GOLM2: variants seen among roughly 807,000 people sequenced by gnomAD.
GOLM2 encodes protein GOLM2.
A neutral mutation model predicts 55.9 loss-of-function variants in GOLM2; 26 were observed. That is an observed-to-expected ratio of 0.47 (90% CI 0.34 to 0.65). The LOEUF (loss-of-function observed/expected upper bound fraction) is 0.65, where lower values mean the gene tolerates loss of function less well. GOLM2 is among the 30% of genes least tolerant of loss of function. The probability of loss-of-function intolerance (pLI) is 0.01; values close to 1 mark genes in which losing one functional copy is unlikely to be tolerated. For missense variants in GOLM2, 486 were observed against 531.8 expected, an observed-to-expected ratio of 0.91 and a Z score of 0.85; for synonymous variants, 165 against 194.6, an observed-to-expected ratio of 0.85 and a Z score of 1.27.
At chr15:44,371,820 G>A (rs2079331144) in intron 6 of GOLM2, among the ~76,000 whole-genome samples, 1 of 152,244 alleles carries the variant, frequency 6.6e-6, no homozygotes, top group African/African-American at 2.4e-5. Flanking sequence ...CATGTAAATT[G>A]TAAAACTAAT....
chr15:44,331,434 GC>G (rs2079021607), intron 3 of GOLM2, among the ~76,000 whole-genome samples: 1 of 152,176 alleles, frequency 6.6e-6, no homozygotes, highest in Non-Finnish European at 1.5e-5. Flanking sequence ...TACTTGGCTA[GC>G]AGAAAGTCAC....
chr15:44,369,206 ATGTGTGTGTGTG>A (rs551489001), intron 6 of GOLM2, among the ~76,000 whole-genome samples: 3 of 110,194 alleles, frequency 2.7e-5, no homozygotes, highest in Non-Finnish European at 3.6e-5. Flanking sequence ...ATATATATAT[ATGTGTGTGTGTG>A]TGTGTGTGTG....
intron 1 of GOLM2, among the ~76,000 whole-genome samples, chr15:44,298,326 C>T (rs1170595244): frequency 1.1e-4 from 16 of 147,740 alleles, no homozygotes; most frequent in Admixed American, 5.4e-4. Context: ...TGCAATGGCG[C>T]GATCTCAGCT....
intron 9 of GOLM2, among the ~76,000 whole-genome samples, chr15:44,404,360 G>A (rs1488595739): frequency 2.0e-5 from 3 of 152,014 alleles, no homozygotes; most frequent in Non-Finnish European, 4.4e-5. Context: ...TTTTACCTAG[G>A]CACTGTTTTC....
intron 6 of GOLM2, among the ~76,000 whole-genome samples, 161 bp downstream of exon 6, chr15:44,338,478 C>T (rs1478315689): frequency 1.3e-5 from 2 of 152,052 alleles, no homozygotes; most frequent in African/African-American, 4.8e-5. Context: ...TTTTTTGGAT[C>T]CAACTTTTAT....
At chr15:44,302,881 T>G (rs957657212) in intron 1 of GOLM2, among the ~76,000 whole-genome samples, 1 of 151,988 alleles carries the variant, frequency 6.6e-6, no homozygotes, top group East Asian at 1.9e-4. Context: ...GAGGTGGGCG[T>G]ATCACGAGGT....
At chr15:44,371,834 A>G (rs561398555) in intron 6 of GOLM2, among the ~76,000 whole-genome samples, 7 of 152,262 alleles carry the variant, frequency 4.6e-5, no homozygotes, top group African/African-American at 1.7e-4. Flanking sequence ...AACTAATCAG[A>G]TTTTCTCAAT....
intron 9 of GOLM2, among the ~76,000 whole-genome samples, chr15:44,407,235 A>G (rs1447819238): frequency 6.8e-6 from 1 of 146,312 alleles, no homozygotes; most frequent in Non-Finnish European, 1.5e-5. Flanking sequence ...TATTTATATT[A>G]TAATTTATGA....
chr15:44,315,145 T>TC (rs1401404987), intron 1 of GOLM2, among the ~76,000 whole-genome samples: 1 of 152,180 alleles, frequency 6.6e-6, no homozygotes, highest in Non-Finnish European at 1.5e-5. Context: ...TTTTTAAAGC[T>TC]CCCCAGGTGA....
chr15:44,374,544 G>A (rs1047800605), intron 6 of GOLM2, among the ~76,000 whole-genome samples: 5 of 152,112 alleles, frequency 3.3e-5, no homozygotes, highest in African/African-American at 1.2e-4. Context: ...AATTTATAAA[G>A]AAAGAGGTTT....
At chr15:44,410,328 G>T (rs947639391) in intron 9 of GOLM2, among the ~76,000 whole-genome samples, 1 of 152,160 alleles carries the variant, frequency 6.6e-6, no homozygotes, top group Admixed American at 6.5e-5. Flanking sequence ...GTACTCGGGA[G>T]GCTGAGGCAG....
intron 6 of GOLM2, among the ~76,000 whole-genome samples, chr15:44,362,981 G>A (rs1595649201): frequency 1.3e-5 from 2 of 152,274 alleles, no homozygotes; most frequent in East Asian, 3.9e-4. Context: ...GGGAAAACTG[G>A]CTAGCCATAT....
chr15:44,306,291 G>A (rs575504313), intron 1 of GOLM2, among the ~76,000 whole-genome samples: 2 of 151,928 alleles, frequency 1.3e-5, no homozygotes, highest in East Asian at 1.9e-4. Flanking sequence ...GCACCTTTAT[G>A]TTATGGAGAT....
intron 8 of GOLM2, among the ~76,000 whole-genome samples, chr15:44,382,840 T>C (rs1458281801): frequency 4.6e-5 from 7 of 151,178 alleles, no homozygotes; most frequent in African/African-American, 1.5e-4. Context: ...GGAGAATCAC[T>C]TGAACCCGGG....
At chr15:44,363,839 T>C (rs907047241) in intron 6 of GOLM2, among the ~76,000 whole-genome samples, 1 of 151,932 alleles carries the variant, frequency 6.6e-6, no homozygotes, top group Non-Finnish European at 1.5e-5. Flanking sequence ...GTGGCACATA[T>C]ACACCATGGA....
chr15:44,301,393 G>A (rs987977360), intron 1 of GOLM2, among the ~76,000 whole-genome samples: 2 of 152,106 alleles, frequency 1.3e-5, no homozygotes, highest in Non-Finnish European at 1.5e-5. Context: ...GTTTACATAT[G>A]CTGTGCTTCC....
intron 6 of GOLM2, among the ~76,000 whole-genome samples, chr15:44,342,804 C>T (rs1241194048): frequency 6.6e-6 from 1 of 152,110 alleles, no homozygotes; most frequent in Non-Finnish European, 1.5e-5. Context: ...AGCAGGGTCC[C>T]AGTAAATGTG....
chr15:44,355,827 C>G (rs1030136582), intron 6 of GOLM2: 1 of 152,970 alleles, frequency 6.5e-6, no homozygotes, highest in Non-Finnish European at 1.5e-5. Context: ...CATGCCATAT[C>G]CCCTGAAGAA....
At chr15:44,409,845 G>A (rs1412429754) in intron 9 of GOLM2, 1 of 151,316 alleles carries the variant, frequency 6.6e-6, no homozygotes, top group Non-Finnish European at 1.5e-5. Context: ...GAACCCGGGA[G>A]GCGGAGGTTG....
Sources: gnomAD v4.1 joint callset for allele counts (sites outside exome capture counted in the v4.1 genomes callset) on GRCh38, gnomAD v4.1.1 for gene constraint, MANE v1.5 for transcripts, NCBI Gene and HGNC (gene_info 2026-07-23, HGNC 2026-07-21) for gene names.